AFP: variants seen among roughly 807,000 people sequenced by gnomAD.
AFP encodes the protein alpha-fetoprotein.
AFP carries 64 observed loss-of-function variants against 78.9 expected under a neutral mutation model. That is an observed-to-expected ratio of 0.81 (90% CI 0.66 to 1.00). AFP has a LOEUF of 1.00. AFP is among the 50% of genes least tolerant of loss of function. The pLI is 0.00. For missense variants in AFP, 689 were observed against 703.8 expected (o/e 0.98, Z 0.24); for synonymous variants, 254 against 243.8 (o/e 1.04, Z -0.39).
At chr4:73,438,784 C>G (rs1719583821) in intron 3 of AFP, among the ~76,000 whole-genome samples, 1 of 152,056 alleles carries the variant, frequency 6.6e-6, no homozygotes, top group African/African-American at 2.4e-5. Context: ...AATGGTTGTC[C>G]AGTGAGTCAA....
At chr4:73,454,395 C>A (rs962430061) in intron 13 of AFP, among the ~76,000 whole-genome samples, 7 of 151,952 alleles carry the variant, frequency 4.6e-5, no homozygotes, top group Admixed American at 2.0e-4. Context: ...GCCAGATTTT[C>A]TTTAACCAGG....
chr4:73,437,032 A>G, intron 1 of AFP, 128 bp from the exon 2 acceptor site: 1 of 728,722 alleles, frequency 1.4e-6, no homozygotes. Context: ...TGCTTAGGTT[A>G]TCCCTAATGT....
chr4:73,446,562 T>A (rs1719832137), intron 7 of AFP, among the ~76,000 whole-genome samples: 1 of 151,948 alleles, frequency 6.6e-6, no homozygotes, highest in African/African-American at 2.4e-5. Flanking sequence ...CCTCTGAAGG[T>A]CATAGTCAGT....
At chr4:73,447,110 T>C (rs1253458753) in intron 7 of AFP, among the ~76,000 whole-genome samples, 1 of 152,124 alleles carries the variant, frequency 6.6e-6, no homozygotes, top group African/African-American at 2.4e-5. Flanking sequence ...ACTTGATAAT[T>C]TCCAAGGGTC....
chr4:73,442,305 T>C lies in AFP; in HGVS notation c.492T>C (p.Tyr164=). 6.2e-7 allele frequency: 1 copy of C among 1,613,738 alleles called. No individual in the cohort carries two copies. Among genetic ancestry groups the C allele is most frequent in the African/African-American group, 1.3e-5 (1 of 75,058 alleles). Residue 164 remains tyrosine, a synonymous_variant, in exon 5 of 15, where the codon TAT becomes TAC. Coordinates refer to ENST00000395792, the MANE Select transcript of AFP (RefSeq NM_001134.3). ...CTATTTTATTTCACAGATTCATTTA[T>C]GAGATAGCAAGAAGGCATCCCTTCC... ...DRETFMNKFI[Y]EIARRHPFLY...
At chr4:73,449,243 A>G (rs1577957559) in intron 8 of AFP, 92 bp from the exon 9 acceptor site, 5 of 1,152,108 alleles carry the variant, frequency 4.3e-6, no homozygotes, top group Non-Finnish European at 6.2e-6. Context: ...TAACTTCCAC[A>G]TGCCATATTA....
intron 3 of AFP, among the ~76,000 whole-genome samples, chr4:73,439,590 C>T (rs1288055381): frequency 1.3e-5 from 2 of 152,078 alleles, no homozygotes; most frequent in Admixed American, 1.3e-4. Context: ...TTACGTAAGC[C>T]TTCCAGGATT....
chr4:73,450,286 A>G (rs994303433), intron 10 of AFP, among the ~76,000 whole-genome samples, 153 bp downstream of exon 10: 1 of 152,200 alleles, frequency 6.6e-6, no homozygotes, highest in African/African-American at 2.4e-5. Context: ...AAATTTTTGC[A>G]GTAAAGATAT....
intron 5 of AFP, among the ~76,000 whole-genome samples, chr4:73,442,791 T>G (rs1719708416): frequency 6.6e-6 from 1 of 152,128 alleles, no homozygotes. Context: ...GATAAATGCT[T>G]TATACTTACT....
At chr4:73,439,951 AT>A (rs1719613424) in intron 3 of AFP, among the ~76,000 whole-genome samples, 5 of 135,830 alleles carry the variant, frequency 3.7e-5, no homozygotes, top group African/African-American at 5.4e-5. Flanking sequence ...ATGTATATAT[AT>A]GTATGTATAT....
At position 73,450,118 on chromosome 4, in the gene AFP, A is replaced by G; in HGVS notation, c.1274A>G (p.Tyr425Cys). 3 of 1,611,976 alleles carry G rather than the reference A, an allele frequency of 1.9e-6. No individual in the cohort carries two copies. Among genetic ancestry groups the G allele is most frequent in the Non-Finnish European group, 2.5e-6 (3 of 1,178,276 alleles). ...SCGLFQKLGE[Y>C]YLQNAFLVAY... ...GGCCTCTTCCAGAAACTAGGAGAAT[A>G]TTACTTACAAAATGCGTATGTTTTT... Residue 425 changes from tyrosine (Y) to cysteine (C), a missense_variant, in exon 10 of 15, where the codon TAT (tyrosine) becomes TGT (cysteine). Transcript: ENST00000395792.
intron 1 of AFP, among the ~76,000 whole-genome samples, chr4:73,436,760 G>A (rs1488642240): frequency 6.6e-6 from 1 of 151,628 alleles, no homozygotes; most frequent in Non-Finnish European, 1.5e-5. Context: ...CAGAAAAATG[G>A]GTCATTATTT....
chr4:73,441,002 A>ACGCC (rs1353995667), intron 4 of AFP, among the ~76,000 whole-genome samples, 189 bp downstream of exon 4: 1 of 152,142 alleles, frequency 6.6e-6, no homozygotes, highest in Non-Finnish European at 1.5e-5. Flanking sequence ...TTTCCATAGC[A>ACGCC]CGCTAGATGT....
At chr4:73,442,868 G>A (rs184551692) in intron 5 of AFP, among the ~76,000 whole-genome samples, 4 of 152,068 alleles carry the variant, frequency 2.6e-5, no homozygotes, top group Non-Finnish European at 5.9e-5. Flanking sequence ...CTAGGAAAGA[G>A]GTTTAGAGAA....
intron 11 of AFP, 80 bp from the exon 12 acceptor site, chr4:73,452,321 C>T: frequency 1.8e-6 from 2 of 1,102,584 alleles, no homozygotes; most frequent in African/African-American, 1.5e-5. Flanking sequence ...GAAATTATTG[C>T]AGCAGTTTTC....
At chr4:73,440,547 A>G (rs895368472) in intron 3 of AFP, 55 bp from the exon 4 acceptor site, 4 of 1,409,974 alleles carry the variant, frequency 2.8e-6, no homozygotes, top group Non-Finnish European at 4.0e-6. Flanking sequence ...TGTGTCTTAT[A>G]GATTTTTAAA....
At chr4:73,449,684 A>T (rs1304548398) in intron 9 of AFP, among the ~76,000 whole-genome samples, 1 of 152,212 alleles carries the variant, frequency 6.6e-6, no homozygotes, top group African/African-American at 2.4e-5. Flanking sequence ...GGCTAAGATC[A>T]AGTGTAGAAA....
rs758780080 is a variant in AFP, at chr4:73,440,623, C to T, written c.292C>T (p.Leu98Phe). The change falls in exon 4 of 15, where the codon CTT (leucine) becomes TTT (phenylalanine). Residue 98 changes from leucine to phenylalanine, a missense_variant. Coordinates refer to ENST00000395792, the MANE Select transcript of AFP (RefSeq NM_001134.3). ...ENQLPAFLEE[L>F]CHEKEILEKY... ...ATAGCTACCTGCCTTTCTGGAAGAA[C>T]TTTGCCATGAGAAAGAAATTTTGGA... is the stretch of plus-strand genomic sequence containing the variant. The T allele has an allele frequency of 6.2e-7, 1 of 1,614,116 alleles. No homozygotes were observed. The highest frequency in any genetic ancestry group is 8.5e-7 in the Non-Finnish European group (1 of 1,179,976).
chr4:73,443,788 A>G (rs1296325007), intron 6 of AFP, among the ~76,000 whole-genome samples: 1 of 152,204 alleles, frequency 6.6e-6, no homozygotes, highest in Non-Finnish European at 1.5e-5. Flanking sequence ...AAAATAAGTC[A>G]GCCTTCACTG....
Sources: gnomAD v4.1 joint callset for allele counts (sites outside exome capture counted in the v4.1 genomes callset) on GRCh38, gnomAD v4.1.1 for gene constraint, MANE v1.5 for transcripts, NCBI Gene and HGNC (gene_info 2026-07-23, HGNC 2026-07-21) for gene names.